Variants in DDN observed in about 807,000 individuals in gnomAD.
The protein encoded by DDN is dendrin.
In DDN, 4 loss-of-function variants were observed where a neutral mutation model predicts 7.3. The ratio of observed to expected loss-of-function variants is 0.55; its 90% CI spans 0.27 to 1.25. DDN has a LOEUF of 1.25. Among genes scored for constraint, DDN ranks in the 50% most tolerant of loss-of-function variants. The pLI is 0.12. For missense variants in DDN, 933 were observed against 974.7 expected, an observed-to-expected ratio of 0.96 and a Z score of 0.57; for synonymous variants, 425 against 424.3, an observed-to-expected ratio of 1.00 and a Z score of -0.02.
chr12:48,997,573 G>A lies in DDN; in HGVS notation c.1303C>T (p.Arg435Cys), dbSNP rs1224152908. The A allele has an allele frequency of 3.8e-6, 6 of 1,590,172 alleles. No individual in the cohort carries two copies. Among genetic ancestry groups the A allele is most frequent in the South Asian group, 1.1e-5 (1 of 88,240 alleles). ...GAACTGCGGGGCAAGGTGTGGGCACGGCGGGTCGCCTTCCAACCCTCCAGG... is the reference window on the plus strand; with the variant it reads ...GAACTGCGGGGCAAGGTGTGGGCACAGCGGGTCGCCTTCCAACCCTCCAGG... ...ETLEGWKATR[R>C]AHTLPRSSQG... The change falls in exon 2 of 2, where the codon CGT becomes TGT. Residue 435 changes from arginine (R) to cysteine (C), a missense_variant. Physicochemically the swap from Arg to Cys is radical, Grantham distance 180. Coordinates refer to ENST00000421952, the MANE Select transcript of DDN (RefSeq NM_015086.2).
Position 48,999,373 on chromosome 12 carries a change from G to C in DDN, c.-86C>G. The C allele has an allele frequency of 2.4e-6, 3 of 1,272,814 alleles. No individual in the cohort carries two copies. The South Asian group carries it at 4.4e-5, about 19-fold the overall frequency. 78.8% of individuals were successfully genotyped at this position (1,272,814 alleles called of 1,614,324 possible). On this transcript the variant is annotated 5_prime_UTR_variant, in exon 1 of 2. Transcript: ENST00000421952. Reference sequence around the variant, plus strand: ...CCAGGGAGCCGGCGCCCACTGCAGAGCCGCGGGCCCGGGGACTGGGAACTA... The same window carrying C: ...CCAGGGAGCCGGCGCCCACTGCAGACCCGCGGGCCCGGGGACTGGGAACTA...
In DDN at chr12:48,995,981, C is replaced by A. The variant is rs927970743; in HGVS notation, c.*759G>T. 7.2e-5 allele frequency: 11 copies of A among 152,288 alleles called. No homozygotes were observed. Among genetic ancestry groups the A allele is most frequent in the African/African-American group, 2.4e-4 (10 of 41,442 alleles). 9.4% of individuals were successfully genotyped at this position (152,288 alleles called of 1,614,324 possible). ...CTCTTCTGCAAGCCTTGGGCAGTCT[C>A]CTGAATTGATCATGACTTTGGGTGA... On this transcript the variant is annotated 3_prime_UTR_variant, in exon 2 of 2. Transcript: ENST00000421952.
intron 1 of DDN, 96 bp from the exon 2 acceptor site, chr12:48,998,762 A>G (rs1013320915): frequency 7.3e-7 from 1 of 1,377,712 alleles, no homozygotes; most frequent in Non-Finnish European, 9.5e-7. Context: ...TGGGGCAGCC[A>G]TGTGAAGGGG....
chr12:48,999,291 G>GGCCCCCCCCCCCCCCCCCCCCC lies in DDN; in HGVS notation c.-5_-4insGGGGGGGGGGGGGGGGGGGGGC. On this transcript the variant is annotated 5_prime_UTR_variant, in exon 1 of 2. Transcript: ENST00000421952. ...AGAACAGTGGGCCATCCAGCATCCT[G>GGCCCCCCCCCCCCCCCCCCCCC]CCCCACCCCACCCCGGCCCCCCACC... The GGCCCCCCCCCCCCCCCCCCCCC allele has an allele frequency of 6.6e-7, 1 of 1,510,112 alleles. No homozygotes were observed. The highest frequency in any genetic ancestry group is 8.9e-7 in the Non-Finnish European group (1 of 1,125,622). 93.5% of individuals were successfully genotyped at this position (1,510,112 alleles called of 1,614,324 possible). A position where few individuals can be genotyped will look rare whatever the true frequency, so the allele number is the denominator to read the frequency against.
Position 48,996,789 on chromosome 12 carries a change from C to T in DDN, c.2087G>A (p.Gly696Glu). The T allele has an allele frequency of 1.2e-6, 2 of 1,614,170 alleles. No homozygotes were observed. Among genetic ancestry groups the T allele is most frequent in the South Asian group, 1.1e-5 (1 of 91,072 alleles). The change falls in exon 2 of 2, where the codon GGG becomes GAG. Residue 696 changes from glycine to glutamate, a missense_variant. By Grantham distance (98) the Gly-to-Glu change is moderately conservative. Coordinates refer to ENST00000421952, the MANE Select transcript of DDN (RefSeq NM_015086.2). ...VISQTEEVLF[G>E]VRDIRGTQQG... is the part of the protein sequence containing the mutation. ...TTGGGTCCCTCTGATGTCCCTCACC[C>T]CGAAGAGGACCTCCTCGGTTTGGCT...
chr12:48,996,963 C>G lies in DDN; in HGVS notation c.1913G>C (p.Ser638Thr). 6.3e-7 allele frequency: 1 copy of G among 1,576,662 alleles called. No homozygotes were observed. Among genetic ancestry groups the G allele is most frequent in the Non-Finnish European group, 8.6e-7 (1 of 1,160,392 alleles). The change falls in exon 2 of 2, where the codon AGC becomes ACC. Residue 638 changes from serine (S) to threonine (T), a missense_variant. Transcript: ENST00000421952. ...TDEAEELSVH[S>T]GSSDGSDTEA... ...TGTGTCGCTTCCATCAGAGGAGCCG[C>G]TATGGACGCTGAGCTCCTCAGCTTC...
chr12:48,998,124 A>G lies in DDN; in HGVS notation c.752T>C (p.Val251Ala). Residue 251 changes from valine to alanine, a missense_variant, in exon 2 of 2, where the codon GTG becomes GCG. Val to Ala is a moderately conservative substitution (Grantham distance 64). Coordinates refer to ENST00000421952, the MANE Select transcript of DDN (RefSeq NM_015086.2). ...CGCAGCTGGGGCTGATGAAGTGGGC[A>G]CCTGAGAGTTCCCGGGGCCTCTCTT... is the stretch of plus-strand genomic sequence containing the variant. ...GTKRGPGNSQ[V>A]PTSSAPAATP... 1 of 1,613,712 alleles carries G rather than the reference A, an allele frequency of 6.2e-7. No individual in the cohort carries two copies. Among genetic ancestry groups the G allele is most frequent in the Non-Finnish European group, 8.5e-7 (1 of 1,180,012 alleles).
chr12:48,998,728 G>A, intron 1 of DDN, 62 bp from the exon 2 acceptor site: 1 of 1,428,398 alleles, frequency 7.0e-7, no homozygotes. Context: ...GAGGTCCGGG[G>A]AGCTGGGAGC....
chr12:48,997,075 C>T lies in DDN; in HGVS notation c.1801G>A (p.Ala601Thr), dbSNP rs755773559. 50 of 1,524,602 alleles carry T rather than the reference C, an allele frequency of 3.3e-5. No individual in the cohort carries two copies. The African/African-American group carries it at 6.5e-4, about 20-fold the overall frequency. The allele number at this position is 1,524,602 out of a possible 1,614,324, so 94.4% of individuals were successfully genotyped here. ...VVQRRAGRGWARTPGPYAGAL... is the reference protein window; with the variant it reads ...VVQRRAGRGWTRTPGPYAGAL... ...CCGGCGTAGGGCCCTGGGGTCCGCG[C>T]CCAGCCCCGGCCGGCGCGCCGCTGG... The change falls in exon 2 of 2, where the codon GCG (alanine) becomes ACG (threonine). Residue 601 changes from alanine (A) to threonine (T), a missense_variant. Physicochemically the swap from Ala to Thr is moderately conservative, Grantham distance 58 (BLOSUM62 0). Transcript: ENST00000421952.
intron 1 of DDN, 149 bp from the exon 2 acceptor site, chr12:48,998,815 G>A: frequency 9.3e-7 from 1 of 1,079,860 alleles, no homozygotes; most frequent in South Asian, 1.7e-5. Flanking sequence ...TATATGTTAG[G>A]ACTGAAGTCG....
intron 1 of DDN, 149 bp downstream of exon 1, chr12:48,998,930 T>G: frequency 1.0e-6 from 1 of 975,166 alleles, no homozygotes; most frequent in East Asian, 2.6e-5. Context: ...AACAACGGGA[T>G]GAGTCAGGCC....
In DDN at chr12:48,996,769, T is replaced by C; in HGVS notation, c.2107A>G (p.Thr703Ala). 6 of 1,614,056 alleles carry C rather than the reference T, an allele frequency of 3.7e-6. No individual in the cohort carries two copies. Among genetic ancestry groups the C allele is most frequent in the Non-Finnish European group, 5.1e-6 (6 of 1,179,974 alleles). Residue 703 changes from threonine (T) to alanine (A), a missense_variant, in exon 2 of 2, where the codon ACC becomes GCC. By Grantham distance (58) the Thr-to-Ala change is moderately conservative. Coordinates refer to ENST00000421952, the MANE Select transcript of DDN (RefSeq NM_015086.2). ...TGCCTCTTCCTATTTCCCTGTTGGG[T>C]CCCTCTGATGTCCCTCACCCCGAAG... ...VLFGVRDIRG[T>A]QQGNRKRQ
rs369975461 is a variant in DDN at position 48,998,316 on chromosome 12, G to T, written c.560C>A (p.Ser187Ter). ...PSAQPQSDPG[S>*]AWAGPWGGRR... ...ACCTCCCCAGGGCCCCGCCCACGCC[G>T]ACCCTGGGTCGCTCTGCGGCTGCGC... Residue 187 changes from serine (S) to a stop codon, truncating the protein, a stop_gained, in exon 2 of 2, where the codon TCG becomes TAG. Coordinates refer to ENST00000421952, the MANE Select transcript of DDN (RefSeq NM_015086.2). LOFTEE classifies it low-confidence loss of function (END_TRUNC). 1 of 1,569,600 alleles carries T rather than the reference G, an allele frequency of 6.4e-7. No homozygotes were observed. The highest frequency in any genetic ancestry group is 2.3e-5 in the East Asian group (1 of 43,312).
In DDN at chr12:48,997,848, G is replaced by C. The variant is rs1464334538; in HGVS notation, c.1028C>G (p.Thr343Ser). The C allele has an allele frequency of 6.2e-7, 1 of 1,613,536 alleles. No homozygotes were observed. Among genetic ancestry groups the C allele is most frequent in the Non-Finnish European group, 8.5e-7 (1 of 1,180,016 alleles). ...TGCAGACCCCGCAGGAGCTATCTCG[G>C]TGCCTGCGCTCCCTGTAGCTTTGGC... is the stretch of plus-strand genomic sequence containing the variant. Reference protein sequence around the residue: ...PQAKATGSAGTEIAPAGSATA... With the variant: ...PQAKATGSAGSEIAPAGSATA... The change falls in exon 2 of 2, where the codon ACC becomes AGC. Residue 343 changes from threonine (T) to serine (S), a missense_variant. Thr to Ser is a moderately conservative substitution (Grantham distance 58). Transcript: ENST00000421952.
In DDN at chr12:48,996,020, C is replaced by T. The variant is rs1408358623; in HGVS notation, c.*720G>A. 1 of 152,270 alleles carries T rather than the reference C, an allele frequency of 6.6e-6. No homozygotes were observed. Among genetic ancestry groups the T allele is most frequent in the African/African-American group, 2.4e-5 (1 of 41,438 alleles). The allele number at this position is 152,270 out of a possible 1,614,324, so 9.4% of individuals were successfully genotyped here. A position where few individuals can be genotyped will look rare whatever the true frequency, so the allele number is the denominator to read the frequency against. On this transcript the variant is annotated 3_prime_UTR_variant, in exon 2 of 2. Transcript: ENST00000421952. ...GACTTTGGGTGACACGGAGGCCGCC[C>T]AGAAACCCTCAAACTCTGTTCACTT...
rs769497492 is a variant in DDN at position 48,996,711 on chromosome 12, T to C, written c.*29A>G. ...ACCAGTGGACCCAAGGATGGATGCG[T>C]TGGGGACACAAATACAAGAAGGGGC... On this transcript the variant is annotated 3_prime_UTR_variant, in exon 2 of 2. Transcript: ENST00000421952. The C allele has an allele frequency of 6.2e-6, 10 of 1,604,788 alleles. No homozygotes were observed. Among genetic ancestry groups the C allele is most frequent in the South Asian group, 3.3e-5 (3 of 90,548 alleles).
rs1941207452 is a variant in DDN at position 48,996,633 on chromosome 12, G to A, written c.*107C>T. On this transcript the variant is annotated 3_prime_UTR_variant, in exon 2 of 2. Transcript: ENST00000421952. Reference sequence around the variant, plus strand: ...TATTTCAAGGATGAGAACAGGTATGGGTAAAGATACAAGGAAAAGAGAAGC... The same window carrying A: ...TATTTCAAGGATGAGAACAGGTATGAGTAAAGATACAAGGAAAAGAGAAGC... The A allele has an allele frequency of 6.8e-7, 1 of 1,471,804 alleles. No homozygotes were observed. The highest frequency in any genetic ancestry group is 2.5e-5 in the Admixed American group (1 of 40,758). 91.2% of individuals were successfully genotyped at this position (1,471,804 alleles called of 1,614,324 possible).
At position 48,997,792 on chromosome 12, in the gene DDN, G is replaced by A; in HGVS notation, c.1084C>T (p.Pro362Ser). 6.2e-7 allele frequency: 1 copy of A among 1,612,734 alleles called. No homozygotes were observed. The highest frequency in any genetic ancestry group is 1.1e-5 in the South Asian group (1 of 90,966). The change falls in exon 2 of 2, where the codon CCC becomes TCC. Residue 362 changes from proline to serine, a missense_variant. Physicochemically the swap from Pro to Ser is moderately conservative, Grantham distance 74. Transcript: ENST00000421952. ...CCCTTGAGGTGGTGCCTGGATCTGG[G>A]AGCGGGATGCGGGGCACAGGGAGCC... ...TAAPCAPHPAPRSRHHLKGSR... is the reference protein window; with the variant it reads ...TAAPCAPHPASRSRHHLKGSR...
rs145709485 is a variant in DDN at position 48,997,580 on chromosome 12, C to A, written c.1296G>T (p.Ala432=). ...AGPETLEGWK[A]TRRAHTLPRS... is the part of the protein sequence containing the mutation. ...GGGGCAAGGTGTGGGCACGGCGGGT[C>A]GCCTTCCAACCCTCCAGGGTCTCCG... The change falls in exon 2 of 2, where the codon GCG becomes GCT. Residue 432 remains alanine, a synonymous_variant. Coordinates refer to ENST00000421952, the MANE Select transcript of DDN (RefSeq NM_015086.2). 17 of 1,583,488 alleles carry A rather than the reference C, an allele frequency of 1.1e-5. No individual in the cohort carries two copies. In the African/African-American group the frequency reaches 2.2e-4, roughly 20 times the overall value.
Sources: gnomAD v4.1 joint callset for allele counts on GRCh38, gnomAD v4.1.1 for gene constraint, MANE v1.5 for transcripts, NCBI Gene and HGNC (gene_info 2026-07-23, HGNC 2026-07-21) for gene names.